The following TNFSF13B variants were observed in gnomAD, a reference collection of about 807,000 sequenced individuals.
The protein encoded by TNFSF13B is tumor necrosis factor ligand superfamily member 13B.
A neutral mutation model predicts 29.1 loss-of-function variants in TNFSF13B; 8 were observed. The observed-to-expected ratio is 0.27, with a 90% CI of 0.16 to 0.50. The LOEUF (loss-of-function observed/expected upper bound fraction) is 0.50. Ranked by LOEUF, TNFSF13B falls within the 20% of genes least tolerant of loss-of-function variation. The pLI, the probability that TNFSF13B is intolerant of heterozygous loss-of-function variation, is 0.98. For synonymous variants in TNFSF13B, 125 were observed against 130.8 expected (o/e 0.96, Z 0.30); for missense variants, 248 against 334.9 (o/e 0.74, Z 2.03).
rs944806455 is a variant in TNFSF13B at position 108,296,269 on chromosome 13, T to C, written c.482-6984T>C. ...CCAATATCTGCTTATATCTTGAGGT[T>C]CTGTTGAGTGATGTTTATAATTATT... On this transcript the variant is annotated intron_variant, in intron 3 of 5. Transcript: ENST00000375887. Among the ~76,000 whole-genome samples, 7 of 145,958 alleles carry C rather than the reference T, an allele frequency of 4.8e-5. 1 individual carries two copies. The highest frequency in any genetic ancestry group is 1.1e-4 in the Non-Finnish European group (7 of 65,604).
intron 3 of TNFSF13B, among the ~76,000 whole-genome samples, chr13:108,300,143 G>A (rs1881574620): frequency 6.6e-6 from 1 of 152,028 alleles, no homozygotes; most frequent in Non-Finnish European, 1.5e-5. Context: ...CCTCTATGAT[G>A]GAGGGCATTT....
intron 2 of TNFSF13B, among the ~76,000 whole-genome samples, chr13:108,273,246 A>C (rs545074587): frequency 4.5e-4 from 68 of 152,076 alleles, no homozygotes; most frequent in African/African-American, 1.6e-3. Context: ...TTTTTTTTTC[A>C]ATAAACCTAT....
intron 3 of TNFSF13B, among the ~76,000 whole-genome samples, chr13:108,290,329 T>C (rs1196584264): frequency 1.3e-5 from 2 of 152,156 alleles, no homozygotes; most frequent in African/African-American, 4.8e-5. Flanking sequence ...GCAATGCAGG[T>C]GCTTCGAAAA....
intron 2 of TNFSF13B, among the ~76,000 whole-genome samples, chr13:108,281,873 T>C (rs1205302928): frequency 1.3e-5 from 2 of 152,226 alleles, no homozygotes; most frequent in Non-Finnish European, 1.5e-5. Flanking sequence ...ATTTTCTTCA[T>C]AAGTCTTTGT....
chr13:108,294,183 ATTT>A (rs111754666), intron 3 of TNFSF13B, among the ~76,000 whole-genome samples: 1 of 144,012 alleles, frequency 6.9e-6, no homozygotes, highest in African/African-American at 2.5e-5. Flanking sequence ...AAATTCATGG[ATTT>A]TTTTTTTTTT....
At chr13:108,296,088 T>C (rs552143628) in intron 3 of TNFSF13B, among the ~76,000 whole-genome samples, 1 of 146,178 alleles carries the variant, frequency 6.8e-6, no homozygotes, top group Admixed American at 6.7e-5. Flanking sequence ...TGGAGTGTTT[T>C]CTATGTGTCT....
At chr13:108,293,010 C>T (rs1881365962) in intron 3 of TNFSF13B, among the ~76,000 whole-genome samples, 1 of 152,100 alleles carries the variant, frequency 6.6e-6, no homozygotes, top group African/African-American at 2.4e-5. Flanking sequence ...AATTCAACAT[C>T]ATGATTCACC....
intron 2 of TNFSF13B, among the ~76,000 whole-genome samples, chr13:108,278,658 CCTCCTCCT>C (rs1174294384): frequency 1.3e-4 from 17 of 133,202 alleles, no homozygotes; most frequent in African/African-American, 3.0e-4. Context: ...TTCTCTTTCT[CCTCCTCCT>C]CTCCTCCTCT....
rs751970412 is a variant in TNFSF13B, at chr13:108,270,118, G to C, written c.223G>C (p.Asp75His). Reference sequence around the variant, plus strand: ...CTACCAGGTGGCCGCCCTGCAAGGGGACCTGGCCAGCCTCCGGGCAGAGCT... The same window carrying C: ...CTACCAGGTGGCCGCCCTGCAAGGGCACCTGGCCAGCCTCCGGGCAGAGCT... ...SFYQVAALQG[D>H]LASLRAELQG... is the part of the protein sequence containing the mutation. The change falls in exon 1 of 6, where the codon GAC (aspartate) becomes CAC (histidine). Residue 75 changes from aspartate (D) to histidine (H), a missense_variant. Asp to His is a moderately conservative substitution (Grantham distance 81). Coordinates refer to ENST00000375887, the MANE Select transcript of TNFSF13B (RefSeq NM_006573.5). The C allele has an allele frequency of 9.4e-6, 15 of 1,602,694 alleles. No individual in the cohort carries two copies. Among genetic ancestry groups the C allele is most frequent in the Admixed American group, 1.7e-5 (1 of 60,014 alleles).
intron 3 of TNFSF13B, among the ~76,000 whole-genome samples, chr13:108,292,641 C>A (rs1401260193): frequency 6.6e-6 from 1 of 152,032 alleles, no homozygotes; most frequent in Admixed American, 6.6e-5. Flanking sequence ...GGGTGTGAAG[C>A]CATATCTCTG....
chr13:108,300,958 T>C (rs1434027371), intron 3 of TNFSF13B, among the ~76,000 whole-genome samples: 1 of 152,204 alleles, frequency 6.6e-6, no homozygotes, highest in Non-Finnish European at 1.5e-5. Context: ...AACTCAAAGA[T>C]CTGACTAGGG....
chr13:108,280,871 C>T (rs888610176), intron 2 of TNFSF13B, among the ~76,000 whole-genome samples: 1 of 152,168 alleles, frequency 6.6e-6, no homozygotes, highest in Non-Finnish European at 1.5e-5. Flanking sequence ...TACAAACACA[C>T]ACACACGCAA....
intron 2 of TNFSF13B, among the ~76,000 whole-genome samples, chr13:108,283,294 C>T (rs1212148296): frequency 2.0e-5 from 3 of 152,250 alleles, no homozygotes; most frequent in African/African-American, 7.2e-5. Flanking sequence ...ATTCATTCTG[C>T]ATCCCTAGGC....
At chr13:108,291,745 AT>A (rs1424793679) in intron 3 of TNFSF13B, among the ~76,000 whole-genome samples, 2 of 151,990 alleles carry the variant, frequency 1.3e-5, no homozygotes, top group Non-Finnish European at 2.9e-5. Flanking sequence ...AATAATTTTC[AT>A]TTATTGGGTG....
chr13:108,284,197 C>G (rs943615079), intron 2 of TNFSF13B, among the ~76,000 whole-genome samples: 2 of 152,116 alleles, frequency 1.3e-5, no homozygotes, highest in Non-Finnish European at 2.9e-5. Flanking sequence ...GGCATGGTGG[C>G]GGGCACCTGT....
chr13:108,294,290 G>A (rs1293179723), intron 3 of TNFSF13B, among the ~76,000 whole-genome samples: 1 of 150,670 alleles, frequency 6.6e-6, no homozygotes, highest in East Asian at 2.0e-4. Flanking sequence ...AGTGATTCTC[G>A]CACCTCAGCC....
intron 2 of TNFSF13B, among the ~76,000 whole-genome samples, chr13:108,272,968 C>T (rs915376750): frequency 3.9e-5 from 6 of 151,930 alleles, no homozygotes; most frequent in Non-Finnish European, 8.8e-5. Context: ...CCTATTAATA[C>T]TTTTATGTAT....
At chr13:108,284,164 T>C (rs1381123824) in intron 2 of TNFSF13B, among the ~76,000 whole-genome samples, 1 of 151,934 alleles carries the variant, frequency 6.6e-6, no homozygotes, top group Non-Finnish European at 1.5e-5. Context: ...CCCGTCTCTA[T>C]TAAAAATACA....
chr13:108,292,706 T>G (rs1023306438), intron 3 of TNFSF13B, among the ~76,000 whole-genome samples: 1 of 152,164 alleles, frequency 6.6e-6, no homozygotes, highest in African/African-American at 2.4e-5. Flanking sequence ...TTTCATGTCC[T>G]TTTTGGTGTC....
Sources: allele counts gnomAD v4.1 joint callset (sites outside exome capture counted in the v4.1 genomes callset), GRCh38; gene constraint gnomAD v4.1.1; transcripts MANE v1.5; gene names NCBI Gene and HGNC (gene_info 2026-07-23, HGNC 2026-07-21).